MTDH: variants seen among roughly 807,000 people sequenced by gnomAD.
The protein encoded by MTDH is metadherin.
Under a neutral mutation model 72.7 loss-of-function variants are expected in MTDH, and 34 were observed. That is an observed-to-expected ratio of 0.47 (90% CI 0.36 to 0.62). MTDH has a LOEUF of 0.62. MTDH is among the 20% of genes least tolerant of loss of function. The pLI is 0.00. For missense variants in MTDH, 677 were observed against 699.4 expected, an observed-to-expected ratio of 0.97 and a Z score of 0.36; for synonymous variants, 266 against 268.9, an observed-to-expected ratio of 0.99 and a Z score of 0.10.
chr8:97,703,227 C>T (rs1346709457), intron 7 of MTDH, among the ~76,000 whole-genome samples: 2 of 152,092 alleles, frequency 1.3e-5, no homozygotes, highest in Non-Finnish European at 2.9e-5. Context: ...GGGCGTGGTT[C>T]GCATGCCTGT....
chr8:97,717,010 G>T (rs1040860140), intron 9 of MTDH, among the ~76,000 whole-genome samples: 3 of 152,162 alleles, frequency 2.0e-5, no homozygotes, highest in African/African-American at 7.2e-5. Flanking sequence ...GTGTGTGGCT[G>T]ATGGGGTCTT....
intron 10 of MTDH, among the ~76,000 whole-genome samples, chr8:97,720,454 G>A (rs111823044): frequency 0.15 from 23,076 of 151,246 alleles, 1,954 homozygotes; most frequent in East Asian, 0.33. Context: ...GTGTGTGCTT[G>A]TAGTCCCAGC....
In MTDH at chr8:97,719,062, TAGAAAA is replaced by T. The variant is rs1298460192; in HGVS notation, c.1398_1403del (p.Lys467_Glu468del). ...TTTTCTCTATAGGACACAGAAGAAT[TAGAAAA>T]AGAGATTAGAGAAGACCTTCCAGTG... is the stretch of plus-strand genomic sequence containing the variant. On this transcript the variant is annotated inframe_deletion, in exon 10 of 12. Coordinates refer to ENST00000336273, the MANE Select transcript of MTDH (RefSeq NM_178812.4). The T allele has an allele frequency of 6.2e-7, 1 of 1,603,548 alleles. No individual in the cohort carries two copies. Among genetic ancestry groups the T allele is most frequent in the Non-Finnish European group, 8.5e-7 (1 of 1,175,834 alleles).
intron 2 of MTDH, among the ~76,000 whole-genome samples, chr8:97,682,426 GTAGC>G (rs1813175244): frequency 1.4e-5 from 2 of 147,076 alleles, no homozygotes; most frequent in Non-Finnish European, 3.0e-5. Context: ...AGCCTCCCGA[GTAGC>G]TGGGATTATA....
intron 2 of MTDH, among the ~76,000 whole-genome samples, chr8:97,668,847 G>A (rs1019915498): frequency 2.0e-5 from 3 of 151,910 alleles, no homozygotes; most frequent in South Asian, 2.1e-4. Context: ...GAGCCACCGC[G>A]CCCGGCCATG....
intron 2 of MTDH, 87 bp downstream of exon 2, chr8:97,661,260 A>G (rs1166159749): frequency 4.2e-6 from 4 of 946,344 alleles, no homozygotes; most frequent in Admixed American, 2.1e-5. Context: ...ATAAGATTGT[A>G]TGTATACCTC....
chr8:97,709,780 A>G (rs1036410751), intron 8 of MTDH, among the ~76,000 whole-genome samples: 4 of 152,236 alleles, frequency 2.6e-5, no homozygotes, highest in African/African-American at 9.6e-5. Context: ...TACTGTGAAA[A>G]TGGGATTGGG....
chr8:97,669,183 CTG>C (rs1344349326), intron 2 of MTDH, among the ~76,000 whole-genome samples: 1 of 152,140 alleles, frequency 6.6e-6, no homozygotes, highest in Admixed American at 6.6e-5. Flanking sequence ...GAGTCTCGCT[CTG>C]TTTCTCAAGC....
chr8:97,699,585 C>T (rs1255179726), intron 6 of MTDH, among the ~76,000 whole-genome samples, 169 bp from the exon 7 acceptor site: 2 of 152,012 alleles, frequency 1.3e-5, no homozygotes, highest in East Asian at 3.9e-4. Context: ...CTAAAATTAC[C>T]CTCAATTCTA....
intron 1 of MTDH, among the ~76,000 whole-genome samples, chr8:97,645,535 C>T (rs1216729943): frequency 1.3e-5 from 2 of 152,246 alleles, no homozygotes; most frequent in East Asian, 3.9e-4. Context: ...GTGTATGGTC[C>T]TGTGAGAAAG....
chr8:97,661,274 T>C, intron 2 of MTDH, 101 bp downstream of exon 2: 1 of 792,874 alleles, frequency 1.3e-6, no homozygotes, highest in Non-Finnish European at 1.9e-6. Context: ...ATACCTCTCA[T>C]TTAAACAAAA....
At position 97,718,525 on chromosome 8, in the gene MTDH, TG is replaced by T. The variant is rs1176889423; in HGVS notation, c.1381-523del. ...TTTTTGTTTTTGTTTTTGTTTTTTTTGTTTTTTTTTTGTGAGACAGAGTTTT... is the reference window on the plus strand; with the variant it reads ...TTTTTGTTTTTGTTTTTGTTTTTTTTTTTTTTTTTTGTGAGACAGAGTTTT... On this transcript the variant is annotated intron_variant, in intron 9 of 11. Coordinates refer to ENST00000336273, the MANE Select transcript of MTDH (RefSeq NM_178812.4). Among the ~76,000 whole-genome samples the T allele has an allele frequency of 1.0e-4, 12 of 115,318 alleles. No individual in the cohort carries two copies. In the South Asian group the frequency reaches 3.3e-3, roughly 32 times the overall value. 75.7% of individuals were successfully genotyped at this position (115,318 alleles called of 152,430 possible). A position where few individuals can be genotyped will look rare whatever the true frequency, so the allele number is the denominator to read the frequency against.
In MTDH at chr8:97,719,913, A is replaced by G. The variant is rs369433262; in HGVS notation, c.1521+724A>G. 2.0e-5 allele frequency among the ~76,000 whole-genome samples: 3 copies of G among 152,328 alleles called. 1 individual carries two copies. ...TGTGCCTTCTATGGAAAGTATCTGT[A>G]TGGCAGAAGGGACCATTTTACAAAA... On this transcript the variant is annotated intron_variant, in intron 10 of 11. Coordinates refer to ENST00000336273, the MANE Select transcript of MTDH (RefSeq NM_178812.4).
At chr8:97,695,551 G>C (rs1363268325) in intron 6 of MTDH, among the ~76,000 whole-genome samples, 1 of 152,192 alleles carries the variant, frequency 6.6e-6, no homozygotes, top group Admixed American at 6.5e-5. Flanking sequence ...TATGGAAAAT[G>C]AAAGGGAACT....
At chr8:97,678,594 CTTTTTTTTT>C (rs35895126) in intron 2 of MTDH, among the ~76,000 whole-genome samples, 1 of 85,312 alleles carries the variant, frequency 1.2e-5, no homozygotes, top group Admixed American at 1.5e-4. Context: ...TTCCTTCCTT[CTTTTTTTTT>C]TTTTTTTTTT....
intron 1 of MTDH, 116 bp from the exon 2 acceptor site, chr8:97,660,956 T>A (rs758408150): frequency 1.2e-5 from 8 of 642,838 alleles, no homozygotes; most frequent in African/African-American, 1.8e-5. Flanking sequence ...AAAAACTTTT[T>A]AAATTTAGGT....
intron 2 of MTDH, among the ~76,000 whole-genome samples, chr8:97,669,204 A>G (rs1812509138): frequency 1.3e-5 from 2 of 152,148 alleles, no homozygotes; most frequent in East Asian, 1.9e-4. Flanking sequence ...GCTGGAGTAC[A>G]GTGGCACGAT....
Position 97,700,589 on chromosome 8 carries a change from G to A in MTDH, c.1147+737G>A, listed in dbSNP as rs140291259. Among the ~76,000 whole-genome samples, 424 of 152,256 alleles carry A rather than the reference G, an allele frequency of 2.8e-3. 2 individuals carry two copies. Among genetic ancestry groups the A allele is most frequent in the African/African-American group, 9.7e-3 (405 of 41,548 alleles). ...AAGCCTTTATACATAGGTGTTCGGT[G>A]GTAATAATAATGACAATAAAAACAC... On this transcript the variant is annotated intron_variant, in intron 7 of 11. Transcript: ENST00000336273.
At chr8:97,673,487 T>G (rs974560044) in intron 2 of MTDH, among the ~76,000 whole-genome samples, 1 of 152,090 alleles carries the variant, frequency 6.6e-6, no homozygotes, top group Non-Finnish European at 1.5e-5. Flanking sequence ...GGTGAAACCC[T>G]GTCTCTACTA....
Sources: gnomAD v4.1 joint callset for allele counts (sites outside exome capture counted in the v4.1 genomes callset) on GRCh38, gnomAD v4.1.1 for gene constraint, MANE v1.5 for transcripts, NCBI Gene and HGNC (gene_info 2026-07-23, HGNC 2026-07-21) for gene names.